PKNOX2: variants seen among roughly 807,000 people sequenced by gnomAD.
The protein encoded by PKNOX2 is PBX/knotted 1 homeobox 2, also known as homeobox protein PKNOX2.
A neutral mutation model predicts 53.1 loss-of-function variants in PKNOX2; 14 were observed. That is an observed-to-expected ratio of 0.26 (90% confidence interval 0.17 to 0.41). The LOEUF (loss-of-function observed/expected upper bound fraction) is 0.41. Among genes scored for constraint, PKNOX2 ranks in the 10% least tolerant of loss-of-function variants. The probability of loss-of-function intolerance (pLI) is 1.00; values close to 1 mark genes in which losing one functional copy is unlikely to be tolerated. For synonymous variants in PKNOX2, 257 were observed against 242.8 expected (o/e 1.06, Z -0.54); for missense variants, 496 against 602.8 (o/e 0.82, Z 1.85).
intron 2 of PKNOX2, among the ~76,000 whole-genome samples, chr11:125,280,549 G>A (rs1268106394): frequency 6.6e-6 from 1 of 152,190 alleles, no homozygotes; most frequent in Non-Finnish European, 1.5e-5. Flanking sequence ...GAAAGAGAAT[G>A]GGGAGGTCTT....
intron 4 of PKNOX2, among the ~76,000 whole-genome samples, chr11:125,359,823 G>A (rs748000013): frequency 6.6e-6 from 1 of 152,200 alleles, no homozygotes; most frequent in East Asian, 1.9e-4. Context: ...GGGCTGGCTG[G>A]CACCTACTCT....
chr11:125,419,032 A>G (rs1464902097), intron 10 of PKNOX2, among the ~76,000 whole-genome samples: 1 of 151,898 alleles, frequency 6.6e-6, no homozygotes, highest in Non-Finnish European at 1.5e-5. Context: ...CTCTAGCTGT[A>G]TCTCTGTCAA....
chr11:125,365,105 C>A (rs1262576225), intron 4 of PKNOX2, among the ~76,000 whole-genome samples: 1 of 152,072 alleles, frequency 6.6e-6, no homozygotes, highest in Non-Finnish European at 1.5e-5. Flanking sequence ...ATAATCAAAT[C>A]TCCTCCTTCA....
chr11:125,366,158 G>A (rs762151089), intron 4 of PKNOX2, among the ~76,000 whole-genome samples: 1 of 152,160 alleles, frequency 6.6e-6, no homozygotes, highest in Non-Finnish European at 1.5e-5. Flanking sequence ...GCTTACTGAT[G>A]AGAAAATAGG....
intron 10 of PKNOX2, among the ~76,000 whole-genome samples, chr11:125,423,659 C>G (rs1229018802): frequency 6.6e-6 from 1 of 152,150 alleles, no homozygotes; most frequent in Non-Finnish European, 1.5e-5. Context: ...ACACTTGCAG[C>G]CTGCCCCTTG....
intron 2 of PKNOX2, among the ~76,000 whole-genome samples, chr11:125,265,048 G>A (rs1046258766): frequency 2.0e-5 from 3 of 152,130 alleles, no homozygotes; most frequent in African/African-American, 4.8e-5. Flanking sequence ...CAGCACTCTG[G>A]GAGGCGAAGG....
At chr11:125,394,872 A>G (rs1954287149) in intron 6 of PKNOX2, among the ~76,000 whole-genome samples, 1 of 152,208 alleles carries the variant, frequency 6.6e-6, no homozygotes, top group South Asian at 2.1e-4. Flanking sequence ...AGAGCTCCTG[A>G]TTCACATCTT....
At chr11:125,180,847 A>G (rs1391547008) in intron 1 of PKNOX2, among the ~76,000 whole-genome samples, 1 of 152,180 alleles carries the variant, frequency 6.6e-6, no homozygotes, top group Non-Finnish European at 1.5e-5. Flanking sequence ...AGGCAGACAT[A>G]CTTCTCTCCC....
chr11:125,411,042 G>T (rs1955478553), intron 9 of PKNOX2, 166 bp downstream of exon 9: 3 of 618,844 alleles, frequency 4.8e-6, no homozygotes, highest in Non-Finnish European at 5.6e-6. Context: ...TCTTGGAAAG[G>T]TTTTATCAAC....
intron 2 of PKNOX2, among the ~76,000 whole-genome samples, chr11:125,291,335 A>G (rs1947291509): frequency 6.6e-6 from 1 of 152,092 alleles, no homozygotes; most frequent in Non-Finnish European, 1.5e-5. Flanking sequence ...CTTTATTCTA[A>G]TACTCCTCAG....
At chr11:125,244,804 G>C (rs1943433320) in intron 2 of PKNOX2, among the ~76,000 whole-genome samples, 1 of 152,184 alleles carries the variant, frequency 6.6e-6, no homozygotes, top group Non-Finnish European at 1.5e-5. Context: ...GGCTAGGTTG[G>C]GGTGAGCATC....
chr11:125,348,115 G>T (rs556257667), intron 3 of PKNOX2, among the ~76,000 whole-genome samples: 1 of 152,266 alleles, frequency 6.6e-6, no homozygotes, highest in East Asian at 1.9e-4. Flanking sequence ...CAGGACCCCC[G>T]CTGTGGCTCA....
intron 2 of PKNOX2, among the ~76,000 whole-genome samples, chr11:125,236,475 T>A: frequency 6.6e-6 from 1 of 152,066 alleles, no homozygotes; most frequent in East Asian, 1.9e-4. Flanking sequence ...AGGGACCTCA[T>A]AAGTCAAGTA....
At position 125,233,608 on chromosome 11, in the gene PKNOX2, C is replaced by T. The variant is rs146133872; in HGVS notation, c.-200-1437C>T. Among the ~76,000 whole-genome samples the T allele has an allele frequency of 4.0e-3, 612 of 152,262 alleles. 3 individuals are homozygous for T. The highest frequency in any genetic ancestry group is 0.014 in the African/African-American group (573 of 41,542). On this transcript the variant is annotated intron_variant, in intron 1 of 12. Coordinates refer to ENST00000298282, the MANE Select transcript of PKNOX2 (RefSeq NM_001382323.2). ...GGTTTGTAGTCCAGTGGTCTGGTTC[C>T]GCCTCTGAGGCACCTCCATGAGCTA...
intron 2 of PKNOX2, chr11:125,287,849 A>C (rs902456356): frequency 1.3e-5 from 2 of 152,234 alleles, no homozygotes; most frequent in African/African-American, 4.8e-5. Context: ...TTGTCCAGGG[A>C]TTCTATCCCC....
At chr11:125,402,528 G>T (rs1375510882) in intron 7 of PKNOX2, among the ~76,000 whole-genome samples, 1 of 152,178 alleles carries the variant, frequency 6.6e-6, no homozygotes, top group Admixed American at 6.5e-5. Flanking sequence ...CCAAGCGTTT[G>T]GGGGGCACTC....
intron 2 of PKNOX2, among the ~76,000 whole-genome samples, chr11:125,287,385 C>T (rs1344167387): frequency 6.6e-6 from 1 of 152,214 alleles, no homozygotes; most frequent in Non-Finnish European, 1.5e-5. Flanking sequence ...GGGAAACTCA[C>T]AGCAAAGACC....
chr11:125,202,812 T>C (rs1312958768), intron 1 of PKNOX2, among the ~76,000 whole-genome samples: 1 of 152,210 alleles, frequency 6.6e-6, no homozygotes, highest in Non-Finnish European at 1.5e-5. Flanking sequence ...ATTATATTAT[T>C]TAAACAATTA....
rs1374372567 is a variant in PKNOX2, at chr11:125,178,670, GA to G, written c.-201+13897del. Among the ~76,000 whole-genome samples the G allele has an allele frequency of 3.7e-4, 28 of 75,178 alleles. 1 individual carries two copies. The highest frequency in any genetic ancestry group is 2.0e-3 in the African/African-American group (27 of 13,384). 49.3% of individuals were successfully genotyped at this position (75,178 alleles called of 152,430 possible). A position where few individuals can be genotyped will look rare whatever the true frequency, so the allele number is the denominator to read the frequency against. Reference sequence around the variant, plus strand: ...AGAAGGAAGGAAGGAAGGAAGGAAGGAAAGAAAGAGAGAGAGAGAGAGAGAG... The same window carrying G: ...AGAAGGAAGGAAGGAAGGAAGGAAGGAAGAAAGAGAGAGAGAGAGAGAGAG... On this transcript the variant is annotated intron_variant, in intron 1 of 12. Transcript: ENST00000298282.
Sources: gnomAD v4.1 joint callset for allele counts (sites outside exome capture counted in the v4.1 genomes callset) on GRCh38, gnomAD v4.1.1 for gene constraint, MANE v1.5 for transcripts, NCBI Gene and HGNC (gene_info 2026-07-23, HGNC 2026-07-21) for gene names.